The following GABRA2 variants were observed in gnomAD, a reference collection of about 807,000 sequenced individuals.
GABRA2 encodes the protein gamma-aminobutyric acid type A receptor subunit alpha2.
A neutral mutation model predicts 48.7 loss-of-function variants in GABRA2; 16 were observed. That is an observed-to-expected ratio of 0.33 (90% CI 0.22 to 0.50). The LOEUF (loss-of-function observed/expected upper bound fraction) is 0.50, where lower values mean the gene tolerates loss of function less well. Among genes scored for constraint, GABRA2 ranks in the 20% least tolerant of loss-of-function variants. The pLI, the probability that GABRA2 is intolerant of heterozygous loss-of-function variation, is 0.98. For synonymous variants in GABRA2, 185 were observed against 184.5 expected, an observed-to-expected ratio of 1.00 and a Z score of -0.02; for missense variants, 275 against 535.6, an observed-to-expected ratio of 0.51 and a Z score of 4.80.
At chr4:46,268,487 AT>A (rs1181522579) in intron 8 of GABRA2, among the ~76,000 whole-genome samples, 2 of 151,972 alleles carry the variant, frequency 1.3e-5, no homozygotes, top group African/African-American at 4.8e-5. Flanking sequence ...TAAAACCATA[AT>A]GAATATCACT....
chr4:46,312,082 G>A (rs907649880), intron 5 of GABRA2, among the ~76,000 whole-genome samples: 1 of 152,126 alleles, frequency 6.6e-6, no homozygotes, highest in African/African-American at 2.4e-5. Context: ...CTGGGTGATA[G>A]AGCAAGTCTC....
At position 46,389,919 on chromosome 4, in the gene GABRA2, G is replaced by A. The variant is rs1718031637; in HGVS notation, c.-195C>T. The A allele has an allele frequency of 1.0e-6, 1 of 987,728 alleles. No individual in the cohort carries two copies. The highest frequency in any genetic ancestry group is 1.8e-5 in the African/African-American group (1 of 57,076). 61.2% of individuals were successfully genotyped at this position (987,728 alleles called of 1,614,324 possible). A position where few individuals can be genotyped will look rare whatever the true frequency, so the allele number is the denominator to read the frequency against. On this transcript the variant is annotated 5_prime_UTR_variant, in exon 1 of 10. Transcript: ENST00000381620. ...CGATGGGCTGGTGGAAGCCGGAGAG[G>A]AGCGCTAGGAGCCGCGGCGGCGGCG...
At chr4:46,368,705 T>C (rs1714432297) in intron 3 of GABRA2, 1 of 361,590 alleles carries the variant, frequency 2.8e-6, no homozygotes, top group African/African-American at 2.1e-5. Flanking sequence ...TTTAGTTTGA[T>C]TTAAATGAAA....
At chr4:46,341,300 C>G (rs1403664312) in intron 3 of GABRA2, among the ~76,000 whole-genome samples, 1 of 151,828 alleles carries the variant, frequency 6.6e-6, no homozygotes, top group African/African-American at 2.4e-5. Flanking sequence ...TTTCATGGGT[C>G]ATAGTTTTTT....
At chr4:46,332,902 T>C (rs1230919342) in intron 3 of GABRA2, among the ~76,000 whole-genome samples, 1 of 152,140 alleles carries the variant, frequency 6.6e-6, no homozygotes, top group Admixed American at 6.6e-5. Flanking sequence ...TATTATGACA[T>C]TCTTACTTGG....
chr4:46,283,007 T>C (rs1176990097), intron 8 of GABRA2, among the ~76,000 whole-genome samples: 1 of 152,198 alleles, frequency 6.6e-6, no homozygotes, highest in Non-Finnish European at 1.5e-5. Flanking sequence ...AGGCCAGGTT[T>C]TGAACCAAGA....
At chr4:46,344,504 C>A (rs1331991908) in intron 3 of GABRA2, among the ~76,000 whole-genome samples, 1 of 151,754 alleles carries the variant, frequency 6.6e-6, no homozygotes, top group Non-Finnish European at 1.5e-5. Flanking sequence ...AGCAAAAGGG[C>A]AAGGTGGAGG....
chr4:46,359,439 G>T (rs917987785), intron 3 of GABRA2, among the ~76,000 whole-genome samples: 1 of 152,034 alleles, frequency 6.6e-6, no homozygotes, highest in Non-Finnish European at 1.5e-5. Flanking sequence ...TTCTAAAACT[G>T]TCAAGCCTAA....
At chr4:46,296,796 T>A (rs902028059) in intron 8 of GABRA2, among the ~76,000 whole-genome samples, 39 of 152,196 alleles carry the variant, frequency 2.6e-4, no homozygotes, top group African/African-American at 9.4e-4. Flanking sequence ...TTAATTGTCA[T>A]GACCATTTCC....
At chr4:46,280,029 C>A (rs1417958579) in intron 8 of GABRA2, among the ~76,000 whole-genome samples, 1 of 151,588 alleles carries the variant, frequency 6.6e-6, no homozygotes. Flanking sequence ...GCCAGACATT[C>A]TTCTAGGCTT....
At chr4:46,368,909 CT>C in intron 3 of GABRA2, 1 of 660,232 alleles carries the variant, frequency 1.5e-6, no homozygotes, top group South Asian at 1.6e-5. Context: ...CCACTCATTC[CT>C]TTATTTGTTC....
intron 8 of GABRA2, among the ~76,000 whole-genome samples, chr4:46,265,472 A>G (rs1001636358): frequency 1.5e-4 from 16 of 105,996 alleles, no homozygotes; most frequent in Non-Finnish European, 2.5e-4. Context: ...TATATATAAT[A>G]TATTGTGTAT....
At chr4:46,344,393 C>A (rs886596585) in intron 3 of GABRA2, among the ~76,000 whole-genome samples, 12 of 151,670 alleles carry the variant, frequency 7.9e-5, no homozygotes, top group African/African-American at 2.9e-4. Flanking sequence ...AAGGAGTGTG[C>A]AGAAGCCAGC....
intron 3 of GABRA2, among the ~76,000 whole-genome samples, chr4:46,369,417 A>C (rs1211366205): frequency 6.6e-6 from 1 of 152,168 alleles, no homozygotes; most frequent in African/African-American, 2.4e-5. Context: ...CCTGTGGATT[A>C]GAGGATGGAG....
rs1717841249 is a variant in GABRA2 at position 46,388,890 on chromosome 4, G to A, written c.-10-174C>T. On this transcript the variant is annotated intron_variant, in intron 1 of 9. Coordinates refer to ENST00000381620, the MANE Select transcript of GABRA2 (RefSeq NM_000807.4). ...ATTGAGAGACGATTTCTTTTTTATG[G>A]ACCCCCACCCCCACCCTTTTCCTTT... The A allele has an allele frequency of 1.3e-5, 17 of 1,353,106 alleles. No homozygotes were observed. The South Asian group carries it at 2.6e-4, about 21-fold the overall frequency. 83.8% of individuals were successfully genotyped at this position (1,353,106 alleles called of 1,614,324 possible). A position where few individuals can be genotyped will look rare whatever the true frequency, so the allele number is the denominator to read the frequency against.
intron 3 of GABRA2, among the ~76,000 whole-genome samples, chr4:46,360,461 AT>A (rs1712994307): frequency 6.6e-6 from 1 of 152,204 alleles, no homozygotes; most frequent in Admixed American, 6.5e-5. Flanking sequence ...TCCATGTAAG[AT>A]GTGACTTGCT....
intron 3 of GABRA2, among the ~76,000 whole-genome samples, chr4:46,338,594 T>C (rs1406200116): frequency 6.6e-6 from 1 of 151,900 alleles, no homozygotes; most frequent in African/African-American, 2.4e-5. Context: ...AAGTGAGGTA[T>C]CCACAATAAA....
intron 3 of GABRA2, among the ~76,000 whole-genome samples, chr4:46,384,206 G>A (rs1005126645): frequency 6.6e-6 from 1 of 152,090 alleles, no homozygotes; most frequent in Non-Finnish European, 1.5e-5. Flanking sequence ...TCTACCAAAG[G>A]AAATGGGGAG....
chr4:46,389,104 G>A lies in GABRA2; in HGVS notation c.-10-388C>T, dbSNP rs1717884114. The A allele has an allele frequency of 6.0e-6, 6 of 1,006,144 alleles. No individual in the cohort carries two copies. The South Asian group carries it at 2.6e-4, about 43-fold the overall frequency. 62.3% of individuals were successfully genotyped at this position (1,006,144 alleles called of 1,614,324 possible). On this transcript the variant is annotated intron_variant, in intron 1 of 9. Coordinates refer to ENST00000381620, the MANE Select transcript of GABRA2 (RefSeq NM_000807.4). ...TGGAAAGGGAATGGGTTGGAGGGGA[G>A]GGGAGGAAAGGAGAGGAGAGGAGAG...
Sources: gnomAD v4.1 joint callset for allele counts (sites outside exome capture counted in the v4.1 genomes callset) on GRCh38, gnomAD v4.1.1 for gene constraint, MANE v1.5 for transcripts, NCBI Gene and HGNC (gene_info 2026-07-23, HGNC 2026-07-21) for gene names.